Variants in FAM24B observed in about 807,000 individuals in gnomAD.
The protein encoded by FAM24B is family with sequence similarity 24 member B, also known as protein FAM24B.
FAM24B carries 3 observed loss-of-function variants against 2.3 expected under a neutral mutation model. The ratio of observed to expected loss-of-function variants is 1.29; its 90% CI spans 0.59 to 3.32. The LOEUF is 3.32. FAM24B is among the 30% of genes most tolerant of loss of function. FAM24B has a pLI of 0.03. For synonymous variants in FAM24B, 36 were observed against 46.3 expected (o/e 0.78, Z 0.90); for missense variants, 98 against 117.2 (o/e 0.84, Z 0.76).
chr10:122,871,450 T>C (rs901913661), intron 1 of FAM24B, among the ~76,000 whole-genome samples: 2 of 151,984 alleles, frequency 1.3e-5, no homozygotes, highest in Non-Finnish European at 2.9e-5. Flanking sequence ...AAAGTTCATA[T>C]GGAACCAAAA....
chr10:122,852,528 TG>T (rs1405616229), intron 2 of FAM24B, among the ~76,000 whole-genome samples: 1 of 152,166 alleles, frequency 6.6e-6, no homozygotes, highest in East Asian at 1.9e-4. Context: ...GACACTGCAG[TG>T]GAGGTGGCCT....
At chr10:122,866,958 A>G (rs1847812852) in intron 1 of FAM24B, among the ~76,000 whole-genome samples, 1 of 152,244 alleles carries the variant, frequency 6.6e-6, no homozygotes, top group South Asian at 2.1e-4. Flanking sequence ...GCTGACAACT[A>G]GGCCTCTTGC....
chr10:122,871,184 C>T (rs1366077025), intron 1 of FAM24B, among the ~76,000 whole-genome samples: 3 of 151,734 alleles, frequency 2.0e-5, no homozygotes, highest in Admixed American at 1.3e-4. Flanking sequence ...CTCCCATTCA[C>T]AATTGCTTCA....
intron 1 of FAM24B, among the ~76,000 whole-genome samples, chr10:122,862,539 A>G (rs1566256538): frequency 6.6e-6 from 1 of 152,166 alleles, no homozygotes; most frequent in East Asian, 1.9e-4. Flanking sequence ...TTATTTTTCT[A>G]TAATAAACAT....
intron 2 of FAM24B, among the ~76,000 whole-genome samples, chr10:122,853,665 G>T (rs1029851007): frequency 2.0e-5 from 3 of 152,184 alleles, no homozygotes; most frequent in African/African-American, 7.2e-5. Flanking sequence ...AGGGCAAGAG[G>T]ATTGGATTGA....
In FAM24B at chr10:122,865,287, A is replaced by G. The variant is rs1340517964; in HGVS notation, c.-177-9501T>C. On this transcript the variant is annotated intron_variant, in intron 1 of 3. Transcript: ENST00000368898. Reference sequence around the variant, plus strand: ...TCTTTATTAACCTGAAGAAGTTTCCATCTATTTCTAGTTTGCTGAATTTTT... The same window carrying G: ...TCTTTATTAACCTGAAGAAGTTTCCGTCTATTTCTAGTTTGCTGAATTTTT... Among the ~76,000 whole-genome samples, 6 of 152,156 alleles carry G rather than the reference A, an allele frequency of 3.9e-5. No individual in the cohort carries two copies. In the East Asian group the frequency reaches 1.2e-3, roughly 29 times the overall value.
At chr10:122,858,525 A>G (rs937007501) in intron 1 of FAM24B, among the ~76,000 whole-genome samples, 2 of 152,030 alleles carry the variant, frequency 1.3e-5, no homozygotes, top group African/African-American at 4.8e-5. Context: ...CATGTTGTGC[A>G]TATGTACCCT....
rs2133822350 is a variant in FAM24B, at chr10:122,849,264, T to C, written c.268A>G (p.Ile90Val). The C allele has an allele frequency of 6.3e-7, 1 of 1,575,422 alleles. No individual in the cohort carries two copies. Among genetic ancestry groups the C allele is most frequent in the Non-Finnish European group, 8.6e-7 (1 of 1,156,746 alleles). ...TTCCTAACTCAGAGGCCCTCATTTA[T>C]GTCGCAACAGCAAGGTGGCAGGGAA... is the stretch of plus-strand genomic sequence containing the variant. ...FDSLPPCCCD[I>V]NEGL The change falls in exon 4 of 4, where the codon ATA (isoleucine) becomes GTA (valine). Residue 90 changes from isoleucine (I) to valine (V), a missense_variant. Transcript: ENST00000368898.
intron 1 of FAM24B, among the ~76,000 whole-genome samples, chr10:122,859,253 C>T (rs1460412897): frequency 2.6e-5 from 4 of 152,264 alleles, no homozygotes; most frequent in Admixed American, 6.5e-5. Flanking sequence ...TGGATGACTG[C>T]GATGTGAGTT....
intron 1 of FAM24B, among the ~76,000 whole-genome samples, chr10:122,866,747 A>T (rs887861103): frequency 1.3e-5 from 2 of 152,124 alleles, no homozygotes; most frequent in Non-Finnish European, 2.9e-5. Flanking sequence ...TACTCCACTG[A>T]CTGCCATTCC....
intron 2 of FAM24B, among the ~76,000 whole-genome samples, chr10:122,853,812 T>A (rs909821594): frequency 5.3e-5 from 8 of 152,200 alleles, no homozygotes; most frequent in African/African-American, 1.9e-4. Context: ...CAGAGGGATA[T>A]AACCCTAAAT....
intron 1 of FAM24B, among the ~76,000 whole-genome samples, chr10:122,878,320 G>A (rs1848012388): frequency 6.6e-6 from 1 of 152,120 alleles, no homozygotes; most frequent in Non-Finnish European, 1.5e-5. Context: ...ATCACTTGAA[G>A]CCAGGAGTTT....
At chr10:122,877,496 A>G (rs1347208680) in intron 1 of FAM24B, among the ~76,000 whole-genome samples, 1 of 152,332 alleles carries the variant, frequency 6.6e-6, no homozygotes. Flanking sequence ...CCCTGAAAAG[A>G]TATCTCAAAA....
At chr10:122,855,420 A>G (rs934012585) in intron 2 of FAM24B, 4 of 152,238 alleles carry the variant, frequency 2.6e-5, no homozygotes, top group Non-Finnish European at 5.9e-5. Context: ...CTACCTTATC[A>G]GTGCCTGTCT....
At chr10:122,860,426 C>T (rs1458159108) in intron 1 of FAM24B, among the ~76,000 whole-genome samples, 1 of 152,178 alleles carries the variant, frequency 6.6e-6, no homozygotes, top group Non-Finnish European at 1.5e-5. Flanking sequence ...CATTGAAGGA[C>T]ATGTGGATTT....
chr10:122,850,221 GA>G (rs994687459), intron 3 of FAM24B, among the ~76,000 whole-genome samples: 1 of 151,814 alleles, frequency 6.6e-6, no homozygotes, highest in African/African-American at 2.4e-5. Context: ...CAGCCAGGAA[GA>G]AAAAAAATAA....
intron 1 of FAM24B, among the ~76,000 whole-genome samples, chr10:122,875,545 C>G (rs1048240010): frequency 6.6e-6 from 1 of 152,174 alleles, no homozygotes; most frequent in Non-Finnish European, 1.5e-5. Flanking sequence ...AATCAGGCTA[C>G]TTGATTCATG....
intron 1 of FAM24B, among the ~76,000 whole-genome samples, chr10:122,862,564 A>G (rs1205698521): frequency 6.6e-6 from 1 of 152,124 alleles, no homozygotes. Context: ...TGTTCTTCAA[A>G]TGAGTTATTT....
At chr10:122,872,487 A>T (rs1314122225) in intron 1 of FAM24B, among the ~76,000 whole-genome samples, 1 of 152,172 alleles carries the variant, frequency 6.6e-6, no homozygotes, top group Non-Finnish European at 1.5e-5. Flanking sequence ...ACATGCACAC[A>T]TATATTTATT....
Sources: gnomAD v4.1 joint callset for allele counts (sites outside exome capture counted in the v4.1 genomes callset) on GRCh38, gnomAD v4.1.1 for gene constraint, MANE v1.5 for transcripts, NCBI Gene and HGNC (gene_info 2026-07-23, HGNC 2026-07-21) for gene names.